Variants in SLC9A9 observed in about 807,000 individuals in gnomAD.
SLC9A9 encodes the protein sodium/hydrogen exchanger 9.
A neutral mutation model predicts 77.8 loss-of-function variants in SLC9A9; 62 were observed. That is an observed-to-expected ratio of 0.80 (90% CI 0.65 to 0.98). SLC9A9 has a LOEUF of 0.98. Among genes scored for constraint, SLC9A9 ranks in the 50% least tolerant of loss-of-function variants. The probability of loss-of-function intolerance (pLI) is 0.00; values close to 1 mark genes in which losing one functional copy is unlikely to be tolerated. For missense variants in SLC9A9, 775 were observed against 774.9 expected (o/e 1.00, Z 0.00); for synonymous variants, 320 against 283.5 (o/e 1.13, Z -1.29).
chr3:143,626,162 TTGG>T (rs1234455154), intron 6 of SLC9A9, among the ~76,000 whole-genome samples: 3 of 152,218 alleles, frequency 2.0e-5, no homozygotes, highest in Non-Finnish European at 2.9e-5. Flanking sequence ...TTTTATGCTG[TTGG>T]TGGGACTGTA....
At chr3:143,462,754 T>G (rs2035216419) in intron 12 of SLC9A9, among the ~76,000 whole-genome samples, 1 of 152,186 alleles carries the variant, frequency 6.6e-6, no homozygotes, top group African/African-American at 2.4e-5. Context: ...CAGGCCTGTC[T>G]TGGTTTAAAA....
At chr3:143,840,796 G>T (rs1390256562) in intron 1 of SLC9A9, among the ~76,000 whole-genome samples, 1 of 152,128 alleles carries the variant, frequency 6.6e-6, no homozygotes, top group Non-Finnish European at 1.5e-5. Flanking sequence ...GCCAGAATTT[G>T]AGAGTGCACG....
chr3:143,311,959 G>C (rs1014954452), intron 14 of SLC9A9, among the ~76,000 whole-genome samples: 1 of 152,320 alleles, frequency 6.6e-6, no homozygotes. Flanking sequence ...AGATTAAATG[G>C]GTTAGATTTT....
chr3:143,712,036 A>G (rs1455659888), intron 4 of SLC9A9, among the ~76,000 whole-genome samples: 1 of 152,178 alleles, frequency 6.6e-6, no homozygotes, highest in Non-Finnish European at 1.5e-5. Flanking sequence ...ACTAATCCCT[A>G]TCACCTCGAT....
chr3:143,323,154 T>G (rs2031474600), intron 14 of SLC9A9, among the ~76,000 whole-genome samples: 1 of 152,218 alleles, frequency 6.6e-6, no homozygotes, highest in African/African-American at 2.4e-5. Flanking sequence ...ACAGCCACTG[T>G]GGAAATTGCA....
intron 9 of SLC9A9, among the ~76,000 whole-genome samples, chr3:143,530,322 T>C (rs2036483274): frequency 6.6e-6 from 1 of 152,106 alleles, no homozygotes; most frequent in Admixed American, 6.6e-5. Flanking sequence ...GTTTCCCCCA[T>C]ACTGTTCTCC....
At chr3:143,470,952 C>G (rs1167019625) in intron 11 of SLC9A9, among the ~76,000 whole-genome samples, 2 of 151,982 alleles carry the variant, frequency 1.3e-5, no homozygotes, top group East Asian at 3.9e-4. Flanking sequence ...TCTATATTTA[C>G]AGGAGATGCA....
intron 4 of SLC9A9, among the ~76,000 whole-genome samples, chr3:143,700,079 C>A (rs1209197196): frequency 6.6e-6 from 1 of 151,904 alleles, no homozygotes; most frequent in Non-Finnish European, 1.5e-5. Flanking sequence ...CTAGACACAC[C>A]CTGGGCCAGA....
chr3:143,469,975 G>T (rs377616074), intron 11 of SLC9A9, among the ~76,000 whole-genome samples: 6 of 152,268 alleles, frequency 3.9e-5, no homozygotes, highest in South Asian at 2.1e-4. Flanking sequence ...ATACCCAGCT[G>T]GGGATAAGAG....
intron 12 of SLC9A9, among the ~76,000 whole-genome samples, chr3:143,393,914 C>T (rs1474760299): frequency 1.3e-5 from 2 of 152,040 alleles, no homozygotes; most frequent in Non-Finnish European, 2.9e-5. Flanking sequence ...GAAGTTGAAT[C>T]TCTGAATAGA....
At chr3:143,653,860 C>T (rs572130098) in intron 5 of SLC9A9, among the ~76,000 whole-genome samples, 34 of 152,274 alleles carry the variant, frequency 2.2e-4, no homozygotes, top group South Asian at 1.7e-3. Context: ...CACAAATATA[C>T]CTCACTGGTT....
rs149756487 is a variant in SLC9A9 at position 143,763,074 on chromosome 3, G to C, written c.533+31927C>G. Among the ~76,000 whole-genome samples, 782 of 152,226 alleles carry C rather than the reference G, an allele frequency of 5.1e-3. 5 individuals are homozygous for C. Among genetic ancestry groups the C allele is most frequent in the African/African-American group, 0.018 (737 of 41,542 alleles). On this transcript the variant is annotated intron_variant, in intron 4 of 15. Transcript: ENST00000316549. ...GCCATAAGGTCTTCATGACATCCTG[G>C]AGAGTCCTTATATGTCTGTAGAAGA... is the stretch of plus-strand genomic sequence containing the variant.
intron 14 of SLC9A9, among the ~76,000 whole-genome samples, chr3:143,319,444 AC>A (rs1324974391): frequency 1.3e-5 from 2 of 152,204 alleles, no homozygotes; most frequent in African/African-American, 4.8e-5. Flanking sequence ...TGCTTTGAAG[AC>A]CAGAGCTCTA....
intron 6 of SLC9A9, among the ~76,000 whole-genome samples, chr3:143,606,430 C>CTATATATATATA (rs745429920): frequency 2.1e-3 from 132 of 63,244 alleles, no homozygotes; most frequent in Middle Eastern, 7.8e-3. Flanking sequence ...CTCTCTCTCT[C>CTATATATATATA]TCTCTCTATA....
In SLC9A9 at chr3:143,762,907, C is replaced by G. The variant is rs1025435759; in HGVS notation, c.533+32094G>C. On this transcript the variant is annotated intron_variant, in intron 4 of 15. Coordinates refer to ENST00000316549, the MANE Select transcript of SLC9A9 (RefSeq NM_173653.4). Reference sequence around the variant, plus strand: ...AAGTTAAGCTTTTCATGGAAGAACTCAGATCAACTCAGACAAACAGTGGGA... The same window carrying G: ...AAGTTAAGCTTTTCATGGAAGAACTGAGATCAACTCAGACAAACAGTGGGA... 2.0e-5 allele frequency among the ~76,000 whole-genome samples: 3 copies of G among 152,246 alleles called. No homozygotes were observed. The East Asian group carries it at 5.8e-4, about 29-fold the overall frequency.
In SLC9A9 at chr3:143,495,400, T is replaced by C. The variant is rs770127908; in HGVS notation, c.1138A>G (p.Met380Val). The C allele has an allele frequency of 1.9e-6, 3 of 1,614,168 alleles. No homozygotes were observed. Among genetic ancestry groups the C allele is most frequent in the South Asian group, 2.2e-5 (2 of 91,078 alleles). The stretch of plus-strand genomic sequence containing the variant: ...TGGAACGTGAACAGTGCCAGGCCCA[T>C]GTAACAGAAGATGACGTTCTCCGCC... ...FLAENVIFCYMGLALFTFQNH... is the reference protein window; with the variant it reads ...FLAENVIFCYVGLALFTFQNH... The change falls in exon 10 of 16, where the codon ATG becomes GTG. Residue 380 changes from methionine to valine, a missense_variant. Transcript: ENST00000316549.
At chr3:143,808,053 C>T (rs960770206) in intron 2 of SLC9A9, among the ~76,000 whole-genome samples, 6 of 152,114 alleles carry the variant, frequency 3.9e-5, no homozygotes, top group Admixed American at 2.0e-4. Context: ...ACTGGGGAGG[C>T]AGAATGAGCA....
intron 8 of SLC9A9, among the ~76,000 whole-genome samples, chr3:143,561,621 T>C (rs564545572): frequency 3.3e-5 from 5 of 152,326 alleles, no homozygotes; most frequent in African/African-American, 1.2e-4. Context: ...ACACGGGTGA[T>C]GCTGGCCAAT....
chr3:143,595,241 C>CA (rs752626182), intron 6 of SLC9A9, among the ~76,000 whole-genome samples: 124 of 152,262 alleles, frequency 8.1e-4, no homozygotes, highest in Admixed American at 2.7e-3. Flanking sequence ...GATCCTCCCA[C>CA]AAAATCATAT....
Sources: gnomAD v4.1 joint callset for allele counts (sites outside exome capture counted in the v4.1 genomes callset) on GRCh38, gnomAD v4.1.1 for gene constraint, MANE v1.5 for transcripts, NCBI Gene and HGNC (gene_info 2026-07-23, HGNC 2026-07-21) for gene names.